The following TAMM41 variants were observed in gnomAD, a reference collection of about 807,000 sequenced individuals.
TAMM41 encodes the protein TAM41 mitochondrial translocator assembly and maintenance homolog.
In TAMM41, 36 loss-of-function variants were observed where a neutral mutation model predicts 44.1. That is an observed-to-expected ratio of 0.82 (90% CI 0.63 to 1.08). The LOEUF (loss-of-function observed/expected upper bound fraction) is 1.08. TAMM41 is among the 50% of genes least tolerant of loss of function. TAMM41 has a pLI of 0.00. For synonymous variants in TAMM41, 164 were observed against 153.1 expected, an observed-to-expected ratio of 1.07 and a Z score of -0.53; for missense variants, 417 against 404.3, an observed-to-expected ratio of 1.03 and a Z score of -0.27.
At chr3:11,788,225 T>C (rs1236892616), downstream of TAMM41, among the ~76,000 whole-genome samples, 1 of 152,180 alleles carries the variant, frequency 6.6e-6, no homozygotes, top group Non-Finnish European at 1.5e-5. Flanking sequence ...AAAAGCTCTA[T>C]CAGATACAGA....
chr3:11,823,253 T>TG (rs2078598520), intron 4 of TAMM41, among the ~76,000 whole-genome samples: 1 of 148,880 alleles, frequency 6.7e-6, no homozygotes, highest in African/African-American at 2.5e-5. Flanking sequence ...TTGTTGTTGT[T>TG]GTTTTTTTTT....
the TAMM41 span, among the ~76,000 whole-genome samples, chr3:11,785,330 G>C: frequency 6.6e-6 from 1 of 151,894 alleles, no homozygotes; most frequent in South Asian, 2.1e-4. Context: ...TTTTGTTTTT[G>C]TTTTGTTTTG....
chr3:11,808,721 C>G, intron 6 of TAMM41: 2 of 717,098 alleles, frequency 2.8e-6, no homozygotes, highest in Non-Finnish European at 3.4e-6. Flanking sequence ...AAGGTTCAGG[C>G]TCTTTTTTTT....
chr3:11,838,127 G>A (rs138144645), intron 3 of TAMM41, among the ~76,000 whole-genome samples: 4 of 152,104 alleles, frequency 2.6e-5, no homozygotes, highest in African/African-American at 9.7e-5. Flanking sequence ...TACTCTGATC[G>A]TTCACTTGAA....
At chr3:11,788,329 T>C (rs76327218), downstream of TAMM41, among the ~76,000 whole-genome samples, 4,160 of 152,294 alleles carry the variant, frequency 0.027, 188 homozygotes, top group African/African-American at 0.094. Context: ...AGAATCCATT[T>C]TGTCGCCCAG....
At chr3:11,781,522 G>A in the TAMM41 span, among the ~76,000 whole-genome samples, 1 of 152,044 alleles carries the variant, frequency 6.6e-6, no homozygotes, top group African/African-American at 2.4e-5. Flanking sequence ...ATCACCTGAG[G>A]TCAGGAGTTC....
chr3:11,772,237 A>ATTTTTTTTTTT, the TAMM41 span, among the ~76,000 whole-genome samples: 1 of 136,380 alleles, frequency 7.3e-6, no homozygotes. Flanking sequence ...CAGCTGGCTA[A>ATTTTTTTTTTT]TTTTTTTTTT....
chr3:11,818,624 C>T (rs531401613), intron 4 of TAMM41, among the ~76,000 whole-genome samples: 39 of 152,204 alleles, frequency 2.6e-4, no homozygotes, highest in Non-Finnish European at 4.4e-4. Context: ...AGGCTGGGCG[C>T]GGTGGCTCAC....
the TAMM41 span, among the ~76,000 whole-genome samples, chr3:11,730,172 G>A: frequency 6.6e-6 from 1 of 152,208 alleles, no homozygotes; most frequent in East Asian, 1.9e-4. Flanking sequence ...TGTAATCCCA[G>A]CACTTTGAGA....
Position 11,807,909 on chromosome 3 carries a change from ACCAAAAAGGAGACCAAAAAAAC to A in TAMM41, c.875-36_875-15del, listed in dbSNP as rs2077967788. ...TTGCTGAAAGCCCTGCGAGAAAAAA[ACCAAAAAGGAGACCAAAAAAAC>A]CCAAAACAGATGTTAGTCATCTTAA... is the stretch of plus-strand genomic sequence containing the variant. On this transcript the variant is annotated splice_polypyrimidine_tract_variant and intron_variant, in intron 6 of 7. Transcript: ENST00000455809. 2.7e-6 allele frequency: 4 copies of A among 1,501,138 alleles called. No individual in the cohort carries two copies. Among genetic ancestry groups the A allele is most frequent in the Non-Finnish European group, 3.5e-6 (4 of 1,132,010 alleles). 93.0% of individuals were successfully genotyped at this position (1,501,138 alleles called of 1,614,324 possible). A position where few individuals can be genotyped will look rare whatever the true frequency, so the allele number is the denominator to read the frequency against.
At chr3:11,821,561 G>A (rs1293720498) in intron 4 of TAMM41, among the ~76,000 whole-genome samples, 2 of 152,358 alleles carry the variant, frequency 1.3e-5, no homozygotes, top group South Asian at 2.1e-4. Flanking sequence ...CCCGCTGTGC[G>A]TCCTGGTTCC....
chr3:11,807,537 G>A, intron 7 of TAMM41: 1 of 1,536,068 alleles, frequency 6.5e-7, no homozygotes, highest in East Asian at 2.4e-5. Context: ...CTATGCATCT[G>A]TAACTTTGAT....
At chr3:11,833,185 T>C (rs1207073231) in intron 3 of TAMM41, 1 of 1,275,108 alleles carries the variant, frequency 7.8e-7, no homozygotes, top group Non-Finnish European at 1.0e-6. Flanking sequence ...GATTTGTGAA[T>C]AGCTGTTTGT....
the TAMM41 span, among the ~76,000 whole-genome samples, chr3:11,741,210 C>T: frequency 1.1e-5 from 1 of 93,932 alleles, no homozygotes; most frequent in Non-Finnish European, 1.9e-5. Context: ...GAACAAGACA[C>T]CGTCTCAAAA....
chr3:11,819,489 C>T (rs2078424932), intron 4 of TAMM41, among the ~76,000 whole-genome samples: 1 of 152,300 alleles, frequency 6.6e-6, no homozygotes, highest in Non-Finnish European at 1.5e-5. Context: ...AAATGTCCAA[C>T]AACAGGGGAA....
chr3:11,819,228 A>AAG (rs2078412550), intron 4 of TAMM41, among the ~76,000 whole-genome samples: 1 of 152,178 alleles, frequency 6.6e-6, no homozygotes, highest in African/African-American at 2.4e-5. Context: ...AACACAGAGT[A>AAG]AGACAGAAAC....
chr3:11,742,590 T>C, the TAMM41 span, among the ~76,000 whole-genome samples: 1 of 136,064 alleles, frequency 7.3e-6, no homozygotes, highest in South Asian at 2.3e-4. Flanking sequence ...CATCGCTTGC[T>C]TTTTTTTTTT....
chr3:11,844,804 G>A (rs1000429403), intron 1 of TAMM41: 24 of 406,258 alleles, frequency 5.9e-5, no homozygotes, highest in Admixed American at 3.7e-4. Flanking sequence ...AGGCCCTAGG[G>A]TAGAAGTATA....
intron 5 of TAMM41, among the ~76,000 whole-genome samples, chr3:11,813,882 GTATATATGTGTATATATGTA>G (rs1553573157): frequency 2.9e-5 from 4 of 139,582 alleles, no homozygotes; most frequent in Non-Finnish European, 6.0e-5. Context: ...ATGTATATAT[GTATATATGTGTATATATGTA>G]TATATGTGTG....
Sources: allele counts gnomAD v4.1 joint callset (sites outside exome capture counted in the v4.1 genomes callset), GRCh38; gene constraint gnomAD v4.1.1; transcripts MANE v1.5; gene names NCBI Gene and HGNC (gene_info 2026-07-23, HGNC 2026-07-21).